Variants in SLC2A9 observed in about 807,000 individuals in gnomAD.
The protein encoded by SLC2A9 is solute carrier family 2 member 9.
In SLC2A9, 39 loss-of-function variants were observed where a neutral mutation model predicts 50.6. The ratio of observed to expected loss-of-function variants is 0.77; its 90% CI spans 0.60 to 1.01. The LOEUF (loss-of-function observed/expected upper bound fraction) is 1.01. Among genes scored for constraint, SLC2A9 ranks in the 50% least tolerant of loss-of-function variants. The pLI is 0.00. For synonymous variants in SLC2A9, 324 were observed against 276.9 expected (o/e 1.17, Z -1.69); for missense variants, 686 against 677.6 (o/e 1.01, Z -0.14).
upstream of SLC2A9, among the ~76,000 whole-genome samples, chr4:10,022,348 G>C (rs893845943): frequency 6.6e-6 from 1 of 152,226 alleles, no homozygotes; most frequent in African/African-American, 2.4e-5. Context: ...GAGGGCTGTG[G>C]GTTTGGAAGA....
intron 3 of SLC2A9, chr4:9,782,783 G>A (rs750183500): frequency 1.2e-6 from 2 of 1,613,828 alleles, no homozygotes; most frequent in African/African-American, 2.7e-5. Context: ...CTACCGCATC[G>A]CCCAGGTGCA....
At chr4:9,835,095 C>T in intron 10 of SLC2A9, 87 bp from the exon 11 acceptor site, 1 of 1,581,474 alleles carries the variant, frequency 6.3e-7, no homozygotes, top group African/African-American at 1.3e-5. Context: ...CACTTTAGAA[C>T]CCCCCCACCC....
In SLC2A9 at chr4:9,888,272, C is replaced by CATATAT. The variant is rs35108442; in HGVS notation, c.1216-636_1216-631dup. ...TCCCAGAACTTAAAGTATATATATA[C>CATATAT]ATATATATATATATATGTATATATA... On this transcript the variant is annotated intron_variant, in intron 9 of 11. Transcript: ENST00000264784. Among the ~76,000 whole-genome samples, 457 of 146,766 alleles carry CATATAT rather than the reference C, an allele frequency of 3.1e-3. 2 individuals are homozygous for CATATAT. The highest frequency in any genetic ancestry group is 0.01 in the African/African-American group (409 of 39,950).
intron 8 of SLC2A9, among the ~76,000 whole-genome samples, chr4:9,894,512 C>T (rs1738149360): frequency 1.3e-5 from 2 of 152,170 alleles, no homozygotes; most frequent in African/African-American, 4.8e-5. Context: ...CTTAAAAACA[C>T]CAAAAAGTAG....
At chr4:9,836,931 T>A (rs1727204828) in intron 10 of SLC2A9, among the ~76,000 whole-genome samples, 1 of 152,126 alleles carries the variant, frequency 6.6e-6, no homozygotes, top group Non-Finnish European at 1.5e-5. Context: ...ACACAATCAC[T>A]TAGCAAGCCG....
chr4:9,790,265 A>C (rs1354100793), intron 3 of SLC2A9, among the ~76,000 whole-genome samples: 4 of 152,212 alleles, frequency 2.6e-5, no homozygotes, highest in African/African-American at 9.6e-5. Flanking sequence ...AACCATTATC[A>C]GACTTGGTTG....
chr4:10,009,309 G>A (rs1030996068), intron 2 of SLC2A9, among the ~76,000 whole-genome samples: 1 of 152,162 alleles, frequency 6.6e-6, no homozygotes, highest in Non-Finnish European at 1.5e-5. Context: ...GGCATTATGG[G>A]GTGGGATTAA....
At chr4:9,969,482 C>T (rs1358096983) in intron 5 of SLC2A9, among the ~76,000 whole-genome samples, 2 of 152,308 alleles carry the variant, frequency 1.3e-5, no homozygotes, top group African/African-American at 4.8e-5. Flanking sequence ...CTCTTAAATA[C>T]AAGTTTCAAA....
chr4:9,783,771 C>T lies in SLC2A9; in HGVS notation n.386-3706G>A, dbSNP rs377000033. 1.8e-5 allele frequency: 5 copies of T among 280,272 alleles called. No homozygotes were observed. The South Asian group carries it at 3.6e-4, about 20-fold the overall frequency. The allele number at this position is 280,272 out of a possible 1,614,324, so 17.4% of individuals were successfully genotyped here. ...ACTTGGTCCTTAAAAAATATGCTCT[C>T]CCCTCCCTTTTTAAACAAATGGCTT... On this transcript the variant is annotated intron_variant and non_coding_transcript_variant, in intron 3 of 3. Transcript: ENST00000503803.
intron 1 of SLC2A9, among the ~76,000 whole-genome samples, chr4:10,039,596 C>T (rs1764214809): frequency 6.6e-6 from 1 of 152,194 alleles, no homozygotes; most frequent in South Asian, 2.1e-4. Flanking sequence ...TGGATCCCCA[C>T]ATTCAGGGGG....
intron 9 of SLC2A9, among the ~76,000 whole-genome samples, chr4:9,888,808 A>C (rs1288874932): frequency 6.6e-6 from 1 of 151,322 alleles, no homozygotes; most frequent in Non-Finnish European, 1.5e-5. Context: ...GGAATGGGGA[A>C]CTCCCTCCTT....
intron 3 of SLC2A9, among the ~76,000 whole-genome samples, chr4:9,787,176 C>A (rs1445994606): frequency 6.6e-6 from 1 of 152,234 alleles, no homozygotes; most frequent in African/African-American, 2.4e-5. Context: ...TGCCCCAGAA[C>A]TTGTTCTGAT....
intron 5 of SLC2A9, among the ~76,000 whole-genome samples, chr4:9,949,320 A>C (rs1486064493): frequency 6.6e-6 from 1 of 152,220 alleles, no homozygotes; most frequent in Non-Finnish European, 1.5e-5. Context: ...CAGCACAGAT[A>C]AGAGATGCTC....
At chr4:9,965,919 T>C (rs1436662396) in intron 5 of SLC2A9, among the ~76,000 whole-genome samples, 2 of 152,206 alleles carry the variant, frequency 1.3e-5, no homozygotes, top group Non-Finnish European at 2.9e-5. Context: ...AGCATTTTTT[T>C]CCCCAAAAGA....
chr4:9,944,496 C>T (rs1269902252), intron 5 of SLC2A9, among the ~76,000 whole-genome samples: 2 of 152,110 alleles, frequency 1.3e-5, no homozygotes, highest in Non-Finnish European at 2.9e-5. Context: ...TAAGGGGGGT[C>T]GCATGGGTGA....
At chr4:10,023,699 C>G (rs1043419242), upstream of SLC2A9, among the ~76,000 whole-genome samples, 5 of 152,214 alleles carry the variant, frequency 3.3e-5, no homozygotes, top group African/African-American at 1.2e-4. Context: ...TCAGCTCCTA[C>G]TACATGTGCA....
At chr4:9,833,515 G>T (rs1490960443) in intron 11 of SLC2A9, among the ~76,000 whole-genome samples, 3 of 152,160 alleles carry the variant, frequency 2.0e-5, no homozygotes, top group Admixed American at 2.0e-4. Flanking sequence ...TCCAGCTCAG[G>T]ACTGTGTGAG....
chr4:10,022,987 G>A (rs1323002124), upstream of SLC2A9, among the ~76,000 whole-genome samples: 2 of 152,204 alleles, frequency 1.3e-5, no homozygotes, highest in African/African-American at 4.8e-5. Flanking sequence ...CTGGATTTCA[G>A]CTATGCAGCC....
chr4:9,991,270 C>T (rs2109223558), intron 3 of SLC2A9, among the ~76,000 whole-genome samples: 1 of 152,312 alleles, frequency 6.6e-6, no homozygotes, highest in East Asian at 1.9e-4. Flanking sequence ...CCAATCCCTG[C>T]CTCAGGCTCT....
Sources: gnomAD v4.1 joint callset for allele counts (sites outside exome capture counted in the v4.1 genomes callset) on GRCh38, gnomAD v4.1.1 for gene constraint, MANE v1.5 for transcripts, NCBI Gene and HGNC (gene_info 2026-07-23, HGNC 2026-07-21) for gene names.